The following REV3L variants were observed in gnomAD, a reference collection of about 807,000 sequenced individuals.
REV3L encodes DNA polymerase zeta catalytic subunit.
A neutral mutation model predicts 299.4 loss-of-function variants in REV3L; 69 were observed. The observed-to-expected ratio is 0.23, with a 90% CI of 0.19 to 0.28. The LOEUF (loss-of-function observed/expected upper bound fraction) is 0.28. Ranked by LOEUF, REV3L falls within the 10% of genes least tolerant of loss-of-function variation. REV3L has a pLI of 1.00. For missense variants in REV3L, 3,128 were observed against 3,693.8 expected (o/e 0.85, Z 3.97); for synonymous variants, 1,238 against 1,271.4 (o/e 0.97, Z 0.56).
At chr6:111,394,448 G>A (rs1782262322) in intron 4 of REV3L, among the ~76,000 whole-genome samples, 1 of 152,060 alleles carries the variant, frequency 6.6e-6, no homozygotes, top group Non-Finnish European at 1.5e-5. Flanking sequence ...TTTTTGAGAG[G>A]TGTCTATTCA....
intron 9 of REV3L, among the ~76,000 whole-genome samples, chr6:111,383,810 C>T (rs1475619874): frequency 6.6e-6 from 1 of 152,072 alleles, no homozygotes; most frequent in African/African-American, 2.4e-5. Context: ...CAAAGCTACT[C>T]TGAGCAAAAA....
chr6:111,447,178 T>A (rs1339154290), intron 1 of REV3L, among the ~76,000 whole-genome samples: 1 of 152,216 alleles, frequency 6.6e-6, no homozygotes, highest in Non-Finnish European at 1.5e-5. Flanking sequence ...ATACACCTGA[T>A]GGTTTGCAAA....
chr6:111,303,701 CTTTTTTTTTTTTTTTT>C (rs58366929), intron 31 of REV3L, among the ~76,000 whole-genome samples: 41 of 12,644 alleles, frequency 3.2e-3, no homozygotes, highest in East Asian at 0.017. Context: ...CAGACTATGA[CTTTTTTTTTTTTTTTT>C]TTTTTTTTTT....
At chr6:111,301,028 C>G (rs1771450062) in intron 31 of REV3L, among the ~76,000 whole-genome samples, 1 of 152,194 alleles carries the variant, frequency 6.6e-6, no homozygotes. Flanking sequence ...GAATTCTTTT[C>G]TCAGCAAGGA....
chr6:111,452,545 G>A (rs1476588813), intron 1 of REV3L, among the ~76,000 whole-genome samples: 1 of 151,922 alleles, frequency 6.6e-6, no homozygotes, highest in Non-Finnish European at 1.5e-5. Context: ...ACTTAACTAC[G>A]TAACACATGG....
At chr6:111,391,548 G>GT (rs1781932058) in intron 5 of REV3L, among the ~76,000 whole-genome samples, 1 of 152,048 alleles carries the variant, frequency 6.6e-6, no homozygotes, top group Non-Finnish European at 1.5e-5. Context: ...TCAAACACAC[G>GT]TATCTTTTCA....
intron 4 of REV3L, among the ~76,000 whole-genome samples, chr6:111,394,010 T>A (rs1790093481): frequency 6.6e-6 from 1 of 152,212 alleles, no homozygotes; most frequent in Non-Finnish European, 1.5e-5. Context: ...ATATACCACA[T>A]TTTCTTTATC....
intron 1 of REV3L, among the ~76,000 whole-genome samples, chr6:111,464,415 G>A (rs1791168983): frequency 1.3e-5 from 2 of 152,146 alleles, no homozygotes; most frequent in African/African-American, 4.8e-5. Flanking sequence ...TGTATGGAAT[G>A]GGACCTAAAC....
At chr6:111,439,689 T>C (rs1411096782) in intron 1 of REV3L, among the ~76,000 whole-genome samples, 1 of 152,240 alleles carries the variant, frequency 6.6e-6, no homozygotes, top group Non-Finnish European at 1.5e-5. Flanking sequence ...TTTTATGTGA[T>C]GACCAGCTCA....
rs746748585 is a variant in REV3L, at chr6:111,375,540, G to A, written c.2815C>T (p.His939Tyr). Residue 939 changes from histidine (H) to tyrosine (Y), a missense_variant, in exon 13 of 32, where the codon CAC (histidine) becomes TAC (tyrosine). His to Tyr is a moderately conservative substitution (Grantham distance 83, BLOSUM62 2). Transcript: ENST00000368802. ...TEDSESSFVT[H>Y]NSKISLPHPM... ...TGAGGTAGACTAATTTTTGAGTTGT[G>A]AGTTACAAAACTTGACTCACTGTCT... 1 of 1,613,152 alleles carries A rather than the reference G, an allele frequency of 6.2e-7. No homozygotes were observed. The highest frequency in any genetic ancestry group is 1.6e-4 in the Middle Eastern group (1 of 6,082).
chr6:111,402,539 A>G (rs1562258292), intron 4 of REV3L, among the ~76,000 whole-genome samples: 1 of 152,158 alleles, frequency 6.6e-6, no homozygotes, highest in Non-Finnish European at 1.5e-5. Context: ...TCTTCAATGT[A>G]TTTAAATTTT....
intron 1 of REV3L, among the ~76,000 whole-genome samples, chr6:111,423,362 A>G (rs1020017568): frequency 6.6e-6 from 1 of 152,232 alleles, no homozygotes; most frequent in Non-Finnish European, 1.5e-5. Flanking sequence ...AATCAGATTT[A>G]GCCAAGCAAA....
intron 1 of REV3L, among the ~76,000 whole-genome samples, chr6:111,463,221 A>C (rs1389919656): frequency 6.6e-6 from 1 of 152,196 alleles, no homozygotes; most frequent in African/African-American, 2.4e-5. Context: ...TATGCAATTC[A>C]GTAATCATGA....
Position 111,375,682 on chromosome 6 carries a change from T to A in REV3L, c.2673A>T (p.Thr891=). 6.2e-7 allele frequency: 1 copy of A among 1,614,052 alleles called. No individual in the cohort carries two copies. Among genetic ancestry groups the A allele is most frequent in the Non-Finnish European group, 8.5e-7 (1 of 1,179,926 alleles). ...CAAAGTGACAGTCTATAAAACCATC[T>A]GTGGGTGTTTTATTTTCAAAAGCTC... ...TRGAFENKTP[T]DGFIDCHFGD... Residue 891 remains threonine, a synonymous_variant, in exon 13 of 32, where the codon ACA becomes ACT. Transcript: ENST00000368802.
chr6:111,433,386 A>G (rs1428917193), intron 1 of REV3L, among the ~76,000 whole-genome samples: 2 of 152,288 alleles, frequency 1.3e-5, no homozygotes, highest in East Asian at 1.9e-4. Flanking sequence ...ACAGAAATAC[A>G]AAGAGACTAT....
At chr6:111,444,288 A>G (rs1788596404) in intron 1 of REV3L, among the ~76,000 whole-genome samples, 1 of 152,244 alleles carries the variant, frequency 6.6e-6, no homozygotes, top group South Asian at 2.1e-4. Flanking sequence ...CAAGAAATCA[A>G]TCCAGATAGA....
In REV3L at chr6:111,367,775, G is replaced by A; in HGVS notation, c.6013C>T (p.Leu2005=). Residue 2005 remains leucine, a synonymous_variant, in exon 14 of 32, where the codon CTG becomes TTG. Transcript: ENST00000368802. ...MPCKCAPSRQ[L]VQVWLQAKEE... is the part of the protein sequence containing the mutation. ...TTGGCTTGAAGCCACACTTGAACCA[G>A]TTGTCGACTTGGGGCACATTTGCAA... 4 of 1,614,180 alleles carry A rather than the reference G, an allele frequency of 2.5e-6. No individual in the cohort carries two copies. The highest frequency in any genetic ancestry group is 3.4e-6 in the Non-Finnish European group (4 of 1,180,026).
chr6:111,471,390 G>A (rs1218293678), intron 1 of REV3L, among the ~76,000 whole-genome samples: 2 of 152,012 alleles, frequency 1.3e-5, no homozygotes, highest in Non-Finnish European at 1.5e-5. Context: ...TGTCACTAAC[G>A]AAATGTAAAA....
At chr6:111,408,031 A>G (rs1783828311) in intron 3 of REV3L, among the ~76,000 whole-genome samples, 1 of 152,184 alleles carries the variant, frequency 6.6e-6, no homozygotes, top group Admixed American at 6.5e-5. Flanking sequence ...AGGTGTTTCT[A>G]TGAGTATGAA....
Sources: allele counts gnomAD v4.1 joint callset (sites outside exome capture counted in the v4.1 genomes callset), GRCh38; gene constraint gnomAD v4.1.1; transcripts MANE v1.5; gene names NCBI Gene and HGNC (gene_info 2026-07-23, HGNC 2026-07-21).